Variants in DOK6 observed in about 807,000 individuals in gnomAD.
DOK6 encodes downstream of tyrosine kinase 6.
In DOK6, 22 loss-of-function variants were observed where a neutral mutation model predicts 44.0. That is an observed-to-expected ratio of 0.50 (90% CI 0.36 to 0.71). DOK6 has a LOEUF of 0.71. Among genes scored for constraint, DOK6 ranks in the 30% least tolerant of loss-of-function variants. The pLI, the probability that DOK6 is intolerant of heterozygous loss-of-function variation, is 0.00. For missense variants in DOK6, 340 were observed against 416.4 expected (o/e 0.82, Z 1.60); for synonymous variants, 166 against 145.5 (o/e 1.14, Z -1.01).
chr18:69,463,093 G>A (rs953287841), intron 1 of DOK6, among the ~76,000 whole-genome samples: 1 of 152,148 alleles, frequency 6.6e-6, no homozygotes, highest in Non-Finnish European at 1.5e-5. Context: ...TGGTGCTGGA[G>A]GCTGGGATGT....
chr18:69,480,183 G>A (rs1257407290), intron 1 of DOK6, among the ~76,000 whole-genome samples: 4 of 151,944 alleles, frequency 2.6e-5, no homozygotes, highest in Admixed American at 2.6e-4. Context: ...ATAAATTTTA[G>A]TTTTTAAAAA....
rs183350880 is a variant in DOK6, at chr18:69,404,366, A to C, written c.66+3056A>C. 9.5e-4 allele frequency among the ~76,000 whole-genome samples: 144 copies of C among 152,230 alleles called. No homozygotes were observed. The Middle Eastern group carries it at 0.014, about 14-fold the overall frequency. On this transcript the variant is annotated intron_variant, in intron 1 of 7. Transcript: ENST00000382713. Reference sequence around the variant, plus strand: ...TACCCACTGCTTGGGAAAGAAGTAAAATTTAGTAAGCAAGGCATATATAGC... The same window carrying C: ...TACCCACTGCTTGGGAAAGAAGTAACATTTAGTAAGCAAGGCATATATAGC...
At chr18:69,451,249 A>T (rs1979457663) in intron 1 of DOK6, among the ~76,000 whole-genome samples, 2 of 143,204 alleles carry the variant, frequency 1.4e-5, no homozygotes, top group Non-Finnish European at 3.0e-5. Flanking sequence ...AAAAAAAGGC[A>T]GGGGTTGCAA....
intron 6 of DOK6, among the ~76,000 whole-genome samples, chr18:69,757,138 A>G (rs1216647053): frequency 6.6e-6 from 1 of 152,226 alleles, no homozygotes; most frequent in East Asian, 1.9e-4. Flanking sequence ...AACATGCCAC[A>G]GTTTTATCAC....
chr18:69,780,987 G>A (rs1037826234), intron 7 of DOK6, among the ~76,000 whole-genome samples: 1 of 152,014 alleles, frequency 6.6e-6, no homozygotes, highest in Non-Finnish European at 1.5e-5. Context: ...CGATTTCTCT[G>A]TTCACTGGAT....
At chr18:69,621,837 AG>A (rs1473658070) in intron 3 of DOK6, among the ~76,000 whole-genome samples, 1 of 152,228 alleles carries the variant, frequency 6.6e-6, no homozygotes, top group East Asian at 1.9e-4. Flanking sequence ...TACAAATAAA[AG>A]ACACACATTT....
At chr18:69,650,920 A>G (rs1183360838) in intron 3 of DOK6, among the ~76,000 whole-genome samples, 19 of 152,210 alleles carry the variant, frequency 1.2e-4, no homozygotes, top group Admixed American at 1.2e-3. Flanking sequence ...TATTCATTGC[A>G]GCATCTAAAT....
intron 7 of DOK6, among the ~76,000 whole-genome samples, chr18:69,799,235 A>G (rs537458951): frequency 2.0e-5 from 3 of 152,218 alleles, no homozygotes; most frequent in Non-Finnish European, 2.9e-5. Flanking sequence ...CAGATTTTCT[A>G]TAATCCATTA....
At chr18:69,594,589 C>CAAAAAA in intron 2 of DOK6, among the ~76,000 whole-genome samples, 1 of 129,162 alleles carries the variant, frequency 7.7e-6, no homozygotes, top group African/African-American at 3.1e-5. Flanking sequence ...AGCAAACAGG[C>CAAAAAA]AAAAAAAAAA....
intron 7 of DOK6, among the ~76,000 whole-genome samples, chr18:69,807,116 A>G (rs1981072383): frequency 6.6e-6 from 1 of 151,852 alleles, no homozygotes; most frequent in African/African-American, 2.4e-5. Flanking sequence ...GTGGGCCCCA[A>G]ATTAGCATCA....
chr18:69,713,576 C>T (rs551175131), intron 5 of DOK6, among the ~76,000 whole-genome samples: 12 of 152,258 alleles, frequency 7.9e-5, no homozygotes, highest in Non-Finnish European at 1.3e-4. Flanking sequence ...ACCCTGTTCA[C>T]ATGTGATCAT....
chr18:69,737,782 G>A (rs1363442788), intron 5 of DOK6, among the ~76,000 whole-genome samples: 1 of 152,160 alleles, frequency 6.6e-6, no homozygotes, highest in Non-Finnish European at 1.5e-5. Context: ...AAGTGGACAA[G>A]CACTCGACCT....
At chr18:69,742,423 A>G (rs1236984025) in intron 6 of DOK6, among the ~76,000 whole-genome samples, 1 of 146,718 alleles carries the variant, frequency 6.8e-6, no homozygotes, top group Non-Finnish European at 1.5e-5. Flanking sequence ...TCAAAAAAAA[A>G]AAAAAGAAAA....
intron 3 of DOK6, among the ~76,000 whole-genome samples, chr18:69,639,503 T>C (rs1387947859): frequency 1.3e-5 from 2 of 152,194 alleles, no homozygotes; most frequent in African/African-American, 4.8e-5. Flanking sequence ...TTCCTTTTCA[T>C]AGCTTTCTGA....
At chr18:69,500,268 C>T (rs1301893299) in intron 1 of DOK6, among the ~76,000 whole-genome samples, 1 of 152,170 alleles carries the variant, frequency 6.6e-6, no homozygotes, top group Non-Finnish European at 1.5e-5. Flanking sequence ...CTTACTTGGA[C>T]ACATCAAATA....
intron 3 of DOK6, among the ~76,000 whole-genome samples, chr18:69,619,461 A>G (rs892523782): frequency 3.3e-5 from 5 of 152,194 alleles, no homozygotes; most frequent in Admixed American, 6.5e-5. Context: ...GAATTTCTCT[A>G]AAGTGACCCA....
intron 3 of DOK6, among the ~76,000 whole-genome samples, chr18:69,658,568 G>T (rs1027963986): frequency 6.6e-6 from 1 of 152,072 alleles, no homozygotes; most frequent in African/African-American, 2.4e-5. Flanking sequence ...AGACATGAAA[G>T]CCAAGAACAG....
At chr18:69,791,029 AG>A (rs1980580761) in intron 7 of DOK6, among the ~76,000 whole-genome samples, 1 of 151,876 alleles carries the variant, frequency 6.6e-6, no homozygotes, top group Admixed American at 6.6e-5. Flanking sequence ...GATCATGCAA[AG>A]CTTGTTTTTC....
In DOK6 at chr18:69,401,132, C is replaced by A; in HGVS notation, c.-113C>A. The A allele has an allele frequency of 3.5e-6, 4 of 1,128,266 alleles. No homozygotes were observed. Among genetic ancestry groups the A allele is most frequent in the South Asian group, 4.7e-5 (2 of 42,278 alleles). 69.9% of individuals were successfully genotyped at this position (1,128,266 alleles called of 1,614,324 possible). On this transcript the variant is annotated 5_prime_UTR_variant, in exon 1 of 8. In the 5' UTR this introduces an upstream ATG that the reference lacks. Transcript: ENST00000382713. ...GCTCGGGGAAGAGCGGGCGGCGGCG[C>A]TGCTGCTGGCGGCGGCCGGCTGGAT...
Sources: allele counts gnomAD v4.1 joint callset (sites outside exome capture counted in the v4.1 genomes callset), GRCh38; gene constraint gnomAD v4.1.1; transcripts MANE v1.5; gene names NCBI Gene and HGNC (gene_info 2026-07-23, HGNC 2026-07-21).